GPC5: variants seen among roughly 807,000 people sequenced by gnomAD.
The protein encoded by GPC5 is glypican-5.
A neutral mutation model predicts 53.9 loss-of-function variants in GPC5; 47 were observed. The observed-to-expected ratio is 0.87, with a 90% confidence interval of 0.69 to 1.11. The LOEUF (loss-of-function observed/expected upper bound fraction) is 1.11. Among genes scored for constraint, GPC5 ranks in the 50% most tolerant of loss-of-function variants. GPC5 has a pLI of 0.00. For missense variants in GPC5, 748 were observed against 713.1 expected, an observed-to-expected ratio of 1.05 and a Z score of -0.56; for synonymous variants, 286 against 263.3, an observed-to-expected ratio of 1.09 and a Z score of -0.84.
chr13:92,809,467 A>G (rs1877215260), intron 7 of GPC5, among the ~76,000 whole-genome samples: 1 of 152,150 alleles, frequency 6.6e-6, no homozygotes, highest in Non-Finnish European at 1.5e-5. Context: ...CAAAAATTAT[A>G]GATTAAATGA....
chr13:92,519,708 A>G (rs1421267007), intron 7 of GPC5, among the ~76,000 whole-genome samples: 1 of 152,196 alleles, frequency 6.6e-6, no homozygotes, highest in Non-Finnish European at 1.5e-5. Context: ...CTAACAACAC[A>G]ATTAAAAGAA....
intron 7 of GPC5, among the ~76,000 whole-genome samples, chr13:92,703,302 C>T (rs907350055): frequency 7.2e-4 from 109 of 151,326 alleles, no homozygotes; most frequent in African/African-American, 2.6e-3. Context: ...CCTTGGGGGG[C>T]TGGGCTAAGG....
At chr13:91,873,189 A>T (rs1254027104) in intron 5 of GPC5, among the ~76,000 whole-genome samples, 1 of 152,204 alleles carries the variant, frequency 6.6e-6, no homozygotes, top group Non-Finnish European at 1.5e-5. Flanking sequence ...CTTCCAATCT[A>T]ATCTGCAGTC....
At chr13:92,698,807 C>T (rs1349084729) in intron 7 of GPC5, among the ~76,000 whole-genome samples, 1 of 152,136 alleles carries the variant, frequency 6.6e-6, no homozygotes, top group Non-Finnish European at 1.5e-5. Context: ...TCCTGTTTCT[C>T]CACATCCTCT....
chr13:91,424,610 A>G (rs1594070822), intron 1 of GPC5, among the ~76,000 whole-genome samples: 2 of 151,390 alleles, frequency 1.3e-5, no homozygotes, highest in African/African-American at 4.9e-5. Context: ...CAGGTGATCC[A>G]CCCGCCTCGG....
chr13:92,393,306 A>T (rs551358349), intron 7 of GPC5, among the ~76,000 whole-genome samples: 1 of 152,312 alleles, frequency 6.6e-6, no homozygotes, highest in East Asian at 1.9e-4. Flanking sequence ...CAGGAACAGA[A>T]AACCAAATAG....
chr13:92,004,674 A>G (rs796625810), intron 6 of GPC5, among the ~76,000 whole-genome samples: 4 of 151,780 alleles, frequency 2.6e-5, no homozygotes, highest in African/African-American at 9.7e-5. Flanking sequence ...TATAAAGAAA[A>G]AGAGGTTTAA....
intron 7 of GPC5, among the ~76,000 whole-genome samples, chr13:92,340,806 C>T (rs910830538): frequency 6.6e-6 from 1 of 152,072 alleles, no homozygotes; most frequent in African/African-American, 2.4e-5. Flanking sequence ...GGTATAACAA[C>T]CCAATCCGGT....
At chr13:92,613,268 TAA>T (rs1024264387) in intron 7 of GPC5, among the ~76,000 whole-genome samples, 1 of 125,498 alleles carries the variant, frequency 8.0e-6, no homozygotes, top group African/African-American at 3.0e-5. Flanking sequence ...AATATATATA[TAA>T]ATTATATAAT....
chr13:92,772,938 C>T (rs1875666348), intron 7 of GPC5, among the ~76,000 whole-genome samples: 2 of 151,916 alleles, frequency 1.3e-5, no homozygotes, highest in Non-Finnish European at 2.9e-5. Flanking sequence ...TAAGCATGTG[C>T]TTAAACTAGT....
intron 2 of GPC5, among the ~76,000 whole-genome samples, chr13:91,573,689 A>G (rs886487640): frequency 6.6e-6 from 1 of 152,148 alleles, no homozygotes; most frequent in Non-Finnish European, 1.5e-5. Context: ...TTTATTTCCT[A>G]ATTATGTATT....
intron 5 of GPC5, among the ~76,000 whole-genome samples, chr13:91,837,686 T>C (rs1030882790): frequency 1.1e-4 from 16 of 152,190 alleles, no homozygotes; most frequent in African/African-American, 3.4e-4. Context: ...ATCTATTACA[T>C]AGTATTTCAT....
At chr13:91,444,652 G>T (rs1235534787) in intron 1 of GPC5, among the ~76,000 whole-genome samples, 3 of 152,050 alleles carry the variant, frequency 2.0e-5, no homozygotes, top group Non-Finnish European at 4.4e-5. Context: ...CTTTCTCTAT[G>T]TGTCTTGAAT....
rs189184506 is a variant in GPC5, at chr13:91,639,030, C to T, written c.326-54157C>T. On this transcript the variant is annotated intron_variant, in intron 2 of 7. Coordinates refer to ENST00000377067, the MANE Select transcript of GPC5 (RefSeq NM_004466.6). ...GCATTTTCTACATGCTTTGCATGAG[C>T]GAGTATATGAAAAACTGCCATAAAC... is the stretch of plus-strand genomic sequence containing the variant. Among the ~76,000 whole-genome samples the T allele has an allele frequency of 1.2e-4, 18 of 152,104 alleles. No individual in the cohort carries two copies. The East Asian group carries it at 2.9e-3, about 24-fold the overall frequency.
At chr13:92,499,552 G>A (rs1179924483) in intron 7 of GPC5, among the ~76,000 whole-genome samples, 3 of 152,052 alleles carry the variant, frequency 2.0e-5, no homozygotes, top group Non-Finnish European at 2.9e-5. Context: ...ACATGAAGAA[G>A]GCTGTGTATT....
chr13:92,657,371 C>G (rs534580438), intron 7 of GPC5, among the ~76,000 whole-genome samples: 1 of 152,166 alleles, frequency 6.6e-6, no homozygotes, highest in Non-Finnish European at 1.5e-5. Context: ...CAGCCTGGCT[C>G]TCAGTTCTAA....
chr13:92,397,689 C>T (rs1310055579), intron 7 of GPC5, among the ~76,000 whole-genome samples: 1 of 152,030 alleles, frequency 6.6e-6, no homozygotes, highest in African/African-American at 2.4e-5. Context: ...TGATTTTCTG[C>T]TTGTTCATTT....
chr13:92,342,333 A>T (rs1594114354), intron 7 of GPC5, among the ~76,000 whole-genome samples: 1 of 152,010 alleles, frequency 6.6e-6, no homozygotes, highest in South Asian at 2.1e-4. Context: ...CTACTGGGGG[A>T]CATTGTTCAC....
intron 3 of GPC5, among the ~76,000 whole-genome samples, chr13:91,704,447 C>T (rs144415664): frequency 1.6e-3 from 247 of 152,322 alleles, no homozygotes; most frequent in African/African-American, 5.0e-3. Context: ...TAAGCTCCCA[C>T]GGCATTGCTG....
Sources: gnomAD v4.1 joint callset for allele counts (sites outside exome capture counted in the v4.1 genomes callset) on GRCh38, gnomAD v4.1.1 for gene constraint, MANE v1.5 for transcripts, NCBI Gene and HGNC (gene_info 2026-07-23, HGNC 2026-07-21) for gene names.